The following CLMN variants were observed in gnomAD, a reference collection of about 807,000 sequenced individuals.
CLMN encodes calmin.
In CLMN, 57 loss-of-function variants were observed where a neutral mutation model predicts 92.7. That is an observed-to-expected ratio of 0.61 (90% CI 0.50 to 0.77). The LOEUF (loss-of-function observed/expected upper bound fraction) is 0.77, where lower values mean the gene tolerates loss of function less well. Ranked by LOEUF, CLMN falls within the 30% of genes least tolerant of loss-of-function variation. The pLI is 0.00. For missense variants in CLMN, 1,158 were observed against 1,237.5 expected (o/e 0.94, Z 0.96); for synonymous variants, 466 against 470.6 (o/e 0.99, Z 0.13).
At chr14:95,250,292 T>A (rs1023716371) in intron 1 of CLMN, among the ~76,000 whole-genome samples, 11 of 152,268 alleles carry the variant, frequency 7.2e-5, no homozygotes, top group African/African-American at 2.7e-4. Context: ...ACCCATCATG[T>A]GTGACGGTAA....
chr14:95,195,427 C>T (rs1157116486), intron 10 of CLMN, among the ~76,000 whole-genome samples: 2 of 152,206 alleles, frequency 1.3e-5, no homozygotes, highest in Non-Finnish European at 2.9e-5. Context: ...GCCTCTGTTT[C>T]CCCAAAGTCC....
At chr14:95,236,466 C>T (rs950134214) in intron 1 of CLMN, among the ~76,000 whole-genome samples, 1 of 152,224 alleles carries the variant, frequency 6.6e-6, no homozygotes, top group Non-Finnish European at 1.5e-5. Context: ...GGGGACATCC[C>T]GCAATGCCTG....
At position 95,259,389 on chromosome 14, in the gene CLMN, C is replaced by T. The variant is rs1041921124; in HGVS notation, c.83-29256G>A. On this transcript the variant is annotated intron_variant, in intron 1 of 12. Transcript: ENST00000298912. The surrounding 1 kb of genome is among the most constrained non-coding windows in gnomAD (Gnocchi z 4.3). Reference sequence around the variant, plus strand: ...CCAGGCCTGACCTTGGGCACCAGAACGGAGAAGGAAATGTGCGTGGACAAA... The same window carrying T: ...CCAGGCCTGACCTTGGGCACCAGAATGGAGAAGGAAATGTGCGTGGACAAA... 4.6e-5 allele frequency among the ~76,000 whole-genome samples: 7 copies of T among 152,086 alleles called. No homozygotes were observed. The highest frequency in any genetic ancestry group is 1.9e-4 in the East Asian group (1 of 5,194).
At chr14:95,215,847 G>C in intron 4 of CLMN, 114 bp from the exon 5 acceptor site, 1 of 580,714 alleles carries the variant, frequency 1.7e-6, no homozygotes, top group Non-Finnish European at 3.1e-6. Context: ...GTGTGTGTGT[G>C]TGTGTGTGTG....
At chr14:95,239,010 A>ATTTCT (rs1391128914) in intron 1 of CLMN, among the ~76,000 whole-genome samples, 4 of 152,178 alleles carry the variant, frequency 2.6e-5, no homozygotes, top group African/African-American at 9.7e-5. Context: ...TTTTGCTGTG[A>ATTTCT]GTTATTCTGT....
At chr14:95,314,118 T>C (rs181109202) in intron 1 of CLMN, among the ~76,000 whole-genome samples, 1 of 152,146 alleles carries the variant, frequency 6.6e-6, no homozygotes, top group East Asian at 1.9e-4. Context: ...TGGGCTTCTG[T>C]TTTACCTGGC....
chr14:95,247,388 CATCTG>C (rs1455880515), intron 1 of CLMN, among the ~76,000 whole-genome samples: 1 of 152,208 alleles, frequency 6.6e-6, no homozygotes, highest in Non-Finnish European at 1.5e-5. Context: ...TAAGGTGCTG[CATCTG>C]ATTGGCCCCT....
rs923082358 is a variant in CLMN at position 95,319,189 on chromosome 14, T to G, written c.82+522A>C. Among the ~76,000 whole-genome samples, 136 of 152,190 alleles carry G rather than the reference T, an allele frequency of 8.9e-4. 1 individual carries two copies. Among genetic ancestry groups the G allele is most frequent in the Non-Finnish European group, 1.5e-3 (100 of 67,978 alleles). ...TGGCCGCTGGAGTTGGGTGCTTGCC[T>G]GACCCCACCGATCCGATCCGCACCC... On this transcript the variant is annotated intron_variant, in intron 1 of 12. Coordinates refer to ENST00000298912, the MANE Select transcript of CLMN (RefSeq NM_024734.4).
intron 1 of CLMN, among the ~76,000 whole-genome samples, 181 bp downstream of exon 1, chr14:95,319,530 G>A (rs1441800892): frequency 6.6e-6 from 1 of 152,114 alleles, no homozygotes; most frequent in African/African-American, 2.4e-5. Context: ...ACCTGGCCGC[G>A]GCTGGCCGCC....
At chr14:95,240,476 G>A (rs1174665823) in intron 1 of CLMN, among the ~76,000 whole-genome samples, 1 of 152,142 alleles carries the variant, frequency 6.6e-6, no homozygotes, top group Non-Finnish European at 1.5e-5. Flanking sequence ...CCATGGACCT[G>A]GAGGGGAGAC....
chr14:95,313,214 T>A (rs577718221), intron 1 of CLMN, among the ~76,000 whole-genome samples: 1 of 152,264 alleles, frequency 6.6e-6, no homozygotes, highest in African/African-American at 2.4e-5. Flanking sequence ...CTCAAAAAAA[T>A]AAAATAAAAA....
chr14:95,310,754 C>G (rs1260366612), intron 1 of CLMN, among the ~76,000 whole-genome samples: 2 of 152,200 alleles, frequency 1.3e-5, no homozygotes, highest in African/African-American at 4.8e-5. Context: ...AAAGGCTGTT[C>G]TGGGCATGGT....
In CLMN at chr14:95,188,305, G is replaced by GA. The variant is rs1306891058; in HGVS notation, c.*3258dup. ...GAAAATGAGGGCAACACAGGGAGCA[G>GA]AAAAGACTTCCCCTCAGACCACAAT... On this transcript the variant is annotated 3_prime_UTR_variant, in exon 13 of 13. Coordinates refer to ENST00000298912, the MANE Select transcript of CLMN (RefSeq NM_024734.4). The GA allele has an allele frequency of 6.6e-6, 1 of 152,202 alleles. No homozygotes were observed. The highest frequency in any genetic ancestry group is 1.5e-5 in the Non-Finnish European group (1 of 68,036). 9.4% of individuals were successfully genotyped at this position (152,202 alleles called of 1,614,324 possible). A position where few individuals can be genotyped will look rare whatever the true frequency, so the allele number is the denominator to read the frequency against.
intron 1 of CLMN, among the ~76,000 whole-genome samples, chr14:95,272,795 G>A (rs111978905): frequency 3.3e-5 from 5 of 152,300 alleles, no homozygotes; most frequent in African/African-American, 1.2e-4. Context: ...ATAATTGTAA[G>A]TTGTTTCTAT....
intron 1 of CLMN, among the ~76,000 whole-genome samples, chr14:95,285,197 C>T (rs926214543): frequency 1.4e-4 from 22 of 152,170 alleles, no homozygotes. Context: ...TCTGAGGCCT[C>T]CTTAGCCATG....
intron 1 of CLMN, among the ~76,000 whole-genome samples, chr14:95,249,681 T>C (rs1898707886): frequency 6.6e-6 from 1 of 152,076 alleles, no homozygotes; most frequent in South Asian, 2.1e-4. Context: ...AACCTCCGCC[T>C]TCCGGATTCA....
At chr14:95,235,045 A>G (rs2140642749) in intron 1 of CLMN, among the ~76,000 whole-genome samples, 1 of 152,312 alleles carries the variant, frequency 6.6e-6, no homozygotes, top group South Asian at 2.1e-4. Flanking sequence ...AAATACAGAA[A>G]AGCATAGAGA....
chr14:95,268,792 CTCTTTTTTTTTT>C (rs1566905282), intron 1 of CLMN, among the ~76,000 whole-genome samples: 1 of 103,800 alleles, frequency 9.6e-6, no homozygotes, highest in African/African-American at 3.8e-5. Flanking sequence ...CTCTCTCTCT[CTCTTTTTTTTTT>C]TTTTTTTTTT....
rs536117679 is a variant in CLMN, at chr14:95,243,267, T to A, written c.83-13134A>T. ...TTTGGGCTTCAGAAGGAAAGATTTG[T>A]TTGCATTCTCTTTACTGTTATGAGA... On this transcript the variant is annotated intron_variant, in intron 1 of 12. Coordinates refer to ENST00000298912, the MANE Select transcript of CLMN (RefSeq NM_024734.4). Among the ~76,000 whole-genome samples the A allele has an allele frequency of 2.0e-5, 3 of 152,198 alleles. No individual in the cohort carries two copies. In the South Asian group the frequency reaches 6.2e-4, roughly 32 times the overall value.
Sources: gnomAD v4.1 joint callset for allele counts (sites outside exome capture counted in the v4.1 genomes callset) on GRCh38, gnomAD v4.1.1 for gene constraint, Gnocchi (gnomAD v3.1) non-coding constraint, MANE v1.5 for transcripts, NCBI Gene and HGNC (gene_info 2026-07-23, HGNC 2026-07-21) for gene names.